The following LANCL2 variants were observed in gnomAD, a reference collection of about 807,000 sequenced individuals.
LANCL2 encodes the protein lanC-like protein 2.
LANCL2 carries 33 observed loss-of-function variants against 56.9 expected under a neutral mutation model. That is an observed-to-expected ratio of 0.58 (90% CI 0.44 to 0.78). The LOEUF (loss-of-function observed/expected upper bound fraction) is 0.78. Ranked by LOEUF, LANCL2 falls within the 30% of genes least tolerant of loss-of-function variation. The probability of loss-of-function intolerance (pLI) is 0.00; values close to 1 mark genes in which losing one functional copy is unlikely to be tolerated. For missense variants in LANCL2, 562 were observed against 580.2 expected, an observed-to-expected ratio of 0.97 and a Z score of 0.32; for synonymous variants, 233 against 228.2, an observed-to-expected ratio of 1.02 and a Z score of -0.19.
intron 1 of LANCL2, among the ~76,000 whole-genome samples, chr7:55,385,085 G>A (rs111681381): frequency 9.3e-4 from 142 of 152,232 alleles, no homozygotes; most frequent in African/African-American, 3.3e-3. Context: ...TACTTGGGAC[G>A]CTAAGGCAGG....
At chr7:55,418,855 T>C (rs1057485530) in intron 6 of LANCL2, among the ~76,000 whole-genome samples, 3 of 152,196 alleles carry the variant, frequency 2.0e-5, no homozygotes, top group Non-Finnish European at 2.9e-5. Flanking sequence ...CATTTTTTTT[T>C]CCTGGATTTA....
At chr7:55,390,102 G>C (rs948596048) in intron 1 of LANCL2, among the ~76,000 whole-genome samples, 5 of 152,136 alleles carry the variant, frequency 3.3e-5, no homozygotes, top group Admixed American at 6.5e-5. Flanking sequence ...AAACCTAAAA[G>C]TATTTTCTTT....
At chr7:55,401,534 TTTTTTTTCC>T (rs1305508075) in intron 5 of LANCL2, among the ~76,000 whole-genome samples, 9 of 114,844 alleles carry the variant, frequency 7.8e-5, no homozygotes, top group Non-Finnish European at 1.5e-4. Flanking sequence ...TTTTTTTTTT[TTTTTTTTCC>T]AATTTTCTTT....
In LANCL2 at chr7:55,405,175, G is replaced by A. The variant is rs79968613; in HGVS notation, c.825+3855G>A. On this transcript the variant is annotated intron_variant, in intron 5 of 8. Transcript: ENST00000254770. ...TAACTCCACTCCGAGTCAGAAGACT[G>A]AGACCCAGGGGAGCCAAATCCCAGT... 8.2e-3 allele frequency among the ~76,000 whole-genome samples: 1,127 copies of A among 137,436 alleles called. 20 individuals carry two copies. Among genetic ancestry groups the A allele is most frequent in the African/African-American group, 0.028 (1,072 of 38,106 alleles). 90.2% of individuals were successfully genotyped at this position (137,436 alleles called of 152,430 possible).
Position 55,376,519 on chromosome 7 carries a change from C to T in LANCL2, c.204+10290C>T, listed in dbSNP as rs559212957. ...CTAGGTCCACCAGGAAGCCCCCTGACGGGCTCACAGTGGTCATCGATGCCT... is the reference window on the plus strand; with the variant it reads ...CTAGGTCCACCAGGAAGCCCCCTGATGGGCTCACAGTGGTCATCGATGCCT... On this transcript the variant is annotated intron_variant, in intron 1 of 8. Coordinates refer to ENST00000254770, the MANE Select transcript of LANCL2 (RefSeq NM_018697.4). Among the ~76,000 whole-genome samples the T allele has an allele frequency of 1.4e-4, 21 of 152,312 alleles. No individual in the cohort carries two copies. In the East Asian group the frequency reaches 2.5e-3, roughly 18 times the overall value.
At chr7:55,421,656 C>G (rs925077995) in intron 6 of LANCL2, among the ~76,000 whole-genome samples, 6 of 152,032 alleles carry the variant, frequency 3.9e-5, no homozygotes, top group African/African-American at 9.6e-5. Context: ...TGTGTTAACT[C>G]TTTAACTGTA....
chr7:55,416,134 T>A (rs1790536723), intron 6 of LANCL2, among the ~76,000 whole-genome samples: 1 of 152,222 alleles, frequency 6.6e-6, no homozygotes, highest in Non-Finnish European at 1.5e-5. Context: ...CAACACTTGA[T>A]GTTGAAAGTC....
intron 5 of LANCL2, among the ~76,000 whole-genome samples, chr7:55,406,944 G>A (rs754773447): frequency 9.2e-5 from 14 of 152,168 alleles, no homozygotes; most frequent in Non-Finnish European, 1.6e-4. Flanking sequence ...CGAGGGGGAC[G>A]GTGCCCACGA....
At chr7:55,406,288 A>G (rs1200213261) in intron 5 of LANCL2, among the ~76,000 whole-genome samples, 2 of 152,182 alleles carry the variant, frequency 1.3e-5, no homozygotes, top group Non-Finnish European at 2.9e-5. Context: ...CAGAGGAACA[A>G]AACCCCTCCC....
chr7:55,428,097 G>C, intron 7 of LANCL2: 1 of 491,294 alleles, frequency 2.0e-6, no homozygotes, highest in Non-Finnish European at 3.7e-6. Context: ...GGAGGAAGGT[G>C]CCAGGGAGAA....
intron 2 of LANCL2, among the ~76,000 whole-genome samples, chr7:55,392,187 G>A (rs1050544450): frequency 5.3e-5 from 8 of 152,188 alleles, no homozygotes; most frequent in Admixed American, 6.5e-5. Flanking sequence ...CAGCTACTTG[G>A]GAGGCTGAGG....
intron 6 of LANCL2, among the ~76,000 whole-genome samples, chr7:55,417,212 C>T (rs1790553897): frequency 6.6e-6 from 1 of 152,064 alleles, no homozygotes; most frequent in South Asian, 2.1e-4. Context: ...ATCTCCTAAC[C>T]TCATGATCTG....
intron 5 of LANCL2, among the ~76,000 whole-genome samples, chr7:55,409,254 A>T (rs1453620552): frequency 1.4e-5 from 2 of 147,242 alleles, no homozygotes; most frequent in African/African-American, 5.0e-5. Context: ...TGCCCGGCTA[A>T]TTTTTTTTTT....
At chr7:55,431,031 G>T (rs1407763425) in intron 8 of LANCL2, among the ~76,000 whole-genome samples, 195 bp from the exon 9 acceptor site, 1 of 152,122 alleles carries the variant, frequency 6.6e-6, no homozygotes, top group Non-Finnish European at 1.5e-5. Flanking sequence ...AAGATAGTGA[G>T]GAAAACTGGT....
At chr7:55,399,557 G>A (rs1196345465) in intron 3 of LANCL2, among the ~76,000 whole-genome samples, 3 of 152,098 alleles carry the variant, frequency 2.0e-5, no homozygotes, top group Non-Finnish European at 4.4e-5. Context: ...TGGTCAGGCT[G>A]GTCTTGAACT....
intron 1 of LANCL2, among the ~76,000 whole-genome samples, chr7:55,366,813 G>T (rs1226366907): frequency 6.6e-6 from 1 of 152,196 alleles, no homozygotes; most frequent in African/African-American, 2.4e-5. Context: ...TATGTTTTAC[G>T]TGAAAAAGAC....
At chr7:55,368,810 A>C (rs1789904755) in intron 1 of LANCL2, among the ~76,000 whole-genome samples, 1 of 152,152 alleles carries the variant, frequency 6.6e-6, no homozygotes, top group Non-Finnish European at 1.5e-5. Flanking sequence ...TAATACTGGA[A>C]TATGATGGGC....
intron 5 of LANCL2, among the ~76,000 whole-genome samples, chr7:55,403,064 G>A (rs1790360396): frequency 6.6e-6 from 1 of 152,138 alleles, no homozygotes; most frequent in African/African-American, 2.4e-5. Context: ...TGCAATCTCG[G>A]CACTTTGGGG....
intron 2 of LANCL2, among the ~76,000 whole-genome samples, chr7:55,393,791 T>C (rs1247124241): frequency 6.6e-6 from 1 of 152,216 alleles, no homozygotes; most frequent in Non-Finnish European, 1.5e-5. Flanking sequence ...TTCACACTTA[T>C]AAACCCAGAC....
Sources: allele counts gnomAD v4.1 joint callset (sites outside exome capture counted in the v4.1 genomes callset), GRCh38; gene constraint gnomAD v4.1.1; transcripts MANE v1.5; gene names NCBI Gene and HGNC (gene_info 2026-07-23, HGNC 2026-07-21).